RPL31: variants seen among roughly 807,000 people sequenced by gnomAD.
RPL31 encodes the protein large ribosomal subunit protein eL31.
For missense variants in RPL31, 95 were observed against 164.0 expected, an observed-to-expected ratio of 0.58 and a Z score of 2.30; for synonymous variants, 51 against 55.0, an observed-to-expected ratio of 0.93 and a Z score of 0.32.
In RPL31 at chr2:101,019,654, A is replaced by C. The variant is rs942602757; in HGVS notation, c.*616A>C. The C allele has an allele frequency of 3.1e-4, 47 of 152,254 alleles. 1 individual carries two copies. The allele number at this position is 152,254 out of a possible 1,614,324, so 9.4% of individuals were successfully genotyped here. A position where few individuals can be genotyped will look rare whatever the true frequency, so the allele number is the denominator to read the frequency against. On this transcript the variant is annotated 3_prime_UTR_variant, in exon 5 of 5. Coordinates refer to the RPL31 transcript ENST00000409028. ...ATATCACAATCAGATATGTTCAAAA[A>C]GGTCTGAACAATTGATTTTCTGAAA... is the stretch of plus-strand genomic sequence containing the variant.
chr2:101,011,991 C>T (rs182889682), downstream of RPL31, among the ~76,000 whole-genome samples: 10 of 152,248 alleles, frequency 6.6e-5, no homozygotes, highest in African/African-American at 2.4e-4. Context: ...TACTGCTGTA[C>T]TTACACGATT....
rs945178630 is a variant in RPL31 at position 101,006,960 on chromosome 2, A to G, written c.*579A>G. ...AAGTAAAAAGTTCCTTAAGGTATCA[A>G]TAACAAAAATTTGTATTAATAGTTC... On this transcript the variant is annotated 3_prime_UTR_variant, in exon 5 of 5. Coordinates refer to ENST00000264258, the MANE Select transcript of RPL31 (RefSeq NM_000993.5). 2 of 152,290 alleles carry G rather than the reference A, an allele frequency of 1.3e-5. No homozygotes were observed. Among genetic ancestry groups the G allele is most frequent in the African/African-American group, 2.4e-5 (1 of 41,450 alleles). 9.4% of individuals were successfully genotyped at this position (152,290 alleles called of 1,614,324 possible).
In RPL31 at chr2:101,005,769, C is replaced by T. The variant is rs72976842; in HGVS notation, c.234-190C>T. 0.015 allele frequency: 8,795 copies of T among 596,016 alleles called. 596 individuals carry two copies. Among genetic ancestry groups the T allele is most frequent in the African/African-American group, 0.14 (7,599 of 53,424 alleles). 36.9% of individuals were successfully genotyped at this position (596,016 alleles called of 1,614,324 possible). ...ACATGTCTTCAAACAAGCATCCCTC[C>T]TGTGGTAACAGCATTTAATGTTCAC... On this transcript the variant is annotated intron_variant, in intron 3 of 4. Transcript: ENST00000264258.
At chr2:101,017,986 C>T (rs1379769331) in intron 4 of RPL31, 13 of 1,492,896 alleles carry the variant, frequency 8.7e-6, no homozygotes, top group African/African-American at 1.4e-5. Flanking sequence ...TCGAACGGTT[C>T]CAATGCTCGC....
chr2:101,012,437 C>A lies in RPL31; in HGVS notation c.346+6366C>A, dbSNP rs75834766. ...AAACATCATGCTAGGTGAGAGAAGT[C>A]GAACATGATACAGCAACTCCATTTA... On this transcript the variant is annotated intron_variant, in intron 4 of 4. Transcript: ENST00000409028. Among the ~76,000 whole-genome samples, 11 of 152,292 alleles carry A rather than the reference C, an allele frequency of 7.2e-5. No homozygotes were observed. The East Asian group carries it at 2.1e-3, about 29-fold the overall frequency.
downstream of RPL31, among the ~76,000 whole-genome samples, chr2:101,010,155 TTG>T (rs1679097187): frequency 6.6e-6 from 1 of 152,118 alleles, no homozygotes; most frequent in Non-Finnish European, 1.5e-5. Context: ...TTCCTAAACA[TTG>T]GGAGGAACCA....
chr2:101,009,884 C>T (rs1257079797), downstream of RPL31, among the ~76,000 whole-genome samples: 6 of 148,204 alleles, frequency 4.0e-5, no homozygotes, highest in African/African-American at 1.5e-4. Flanking sequence ...TGCAGTGGTG[C>T]GATCTCGGCT....
chr2:101,012,062 G>A (rs1679257698), downstream of RPL31, among the ~76,000 whole-genome samples: 1 of 152,148 alleles, frequency 6.6e-6, no homozygotes, highest in Non-Finnish European at 1.5e-5. Flanking sequence ...TATTAGGAGT[G>A]TTCTTAAGGA....
chr2:101,004,091 G>A, intron 2 of RPL31, 67 bp from the exon 3 acceptor site: 1 of 1,553,432 alleles, frequency 6.4e-7, no homozygotes, highest in Non-Finnish European at 8.7e-7. Context: ...CGACATTGAG[G>A]ATTTCTCACA....
At chr2:101,017,795 C>G in intron 4 of RPL31, 3 of 1,534,482 alleles carry the variant, frequency 2.0e-6, no homozygotes, top group Non-Finnish European at 2.6e-6. Context: ...AAGCTCAGGA[C>G]TTTTTAATAT....
At chr2:101,014,037 C>T (rs1662829493) in intron 4 of RPL31, among the ~76,000 whole-genome samples, 1 of 152,146 alleles carries the variant, frequency 6.6e-6, no homozygotes, top group African/African-American at 2.4e-5. Flanking sequence ...CAAGGATCTA[C>T]TGTAAGAAAA....
downstream of RPL31, chr2:101,008,082 A>G (rs1678875216): frequency 6.2e-7 from 1 of 1,613,824 alleles, no homozygotes; most frequent in Admixed American, 1.7e-5. Context: ...AGTCCTCAGG[A>G]GAAGGAGCTG....
chr2:101,008,792 CAA>C (rs1167852748), downstream of RPL31, among the ~76,000 whole-genome samples: 1 of 148,834 alleles, frequency 6.7e-6, no homozygotes. Context: ...GCCTGGGCAA[CAA>C]GAGTAAAACT....
At chr2:101,013,419 T>C (rs1170990740) in intron 4 of RPL31, among the ~76,000 whole-genome samples, 2 of 152,224 alleles carry the variant, frequency 1.3e-5, no homozygotes, top group East Asian at 1.9e-4. Flanking sequence ...TTCCTATATA[T>C]ATGTAGCCTG....
intron 3 of RPL31, chr2:101,004,519 T>G: frequency 2.1e-6 from 1 of 484,836 alleles, no homozygotes; most frequent in Non-Finnish European, 3.6e-6. Context: ...GGAAAGAGCA[T>G]TGCAGAGAGA....
downstream of RPL31, chr2:101,008,122 G>T (rs376246458): frequency 2.2e-5 from 35 of 1,613,742 alleles, no homozygotes; most frequent in Non-Finnish European, 2.9e-5. Context: ...ACACTCCTGG[G>T]AGCAGCTTCC....
downstream of RPL31, among the ~76,000 whole-genome samples, chr2:101,009,753 G>A (rs1025609573): frequency 2.1e-4 from 32 of 151,798 alleles, no homozygotes; most frequent in African/African-American, 6.8e-4. Context: ...GAAACTGCAT[G>A]CTAAATTCTA....
intron 4 of RPL31, among the ~76,000 whole-genome samples, chr2:101,014,816 T>C (rs1290245767): frequency 6.6e-6 from 1 of 152,170 alleles, no homozygotes; most frequent in African/African-American, 2.4e-5. Context: ...AGAATCAAGA[T>C]AGTGGGTATA....
At chr2:101,005,257 G>A (rs1037805952) in intron 3 of RPL31, 4 of 152,412 alleles carry the variant, frequency 2.6e-5, no homozygotes, top group African/African-American at 7.2e-5. Flanking sequence ...AGGACAAGGG[G>A]ATTGCATGTG....
Sources: allele counts gnomAD v4.1 joint callset (sites outside exome capture counted in the v4.1 genomes callset), GRCh38; gene constraint gnomAD v4.1.1; transcripts MANE v1.5; gene names NCBI Gene and HGNC (gene_info 2026-07-23, HGNC 2026-07-21).